Variants in CDK7 observed in about 807,000 individuals in gnomAD.
The protein encoded by CDK7 is cyclin-dependent kinase 7.
A neutral mutation model predicts 49.1 loss-of-function variants in CDK7; 25 were observed. The ratio of observed to expected loss-of-function variants is 0.51; its 90% CI spans 0.37 to 0.71. The LOEUF is 0.71. Among genes scored for constraint, CDK7 ranks in the 30% least tolerant of loss-of-function variants. The pLI is 0.00. For missense variants in CDK7, 316 were observed against 411.7 expected (o/e 0.77, Z 2.01); for synonymous variants, 107 against 140.0 (o/e 0.76, Z 1.67).
intron 3 of CDK7, among the ~76,000 whole-genome samples, chr5:69,253,628 C>G (rs1197090862): frequency 6.6e-6 from 1 of 152,142 alleles, no homozygotes; most frequent in Non-Finnish European, 1.5e-5. Context: ...CACTAGTTTG[C>G]TTTTAGCACA....
intron 10 of CDK7, among the ~76,000 whole-genome samples, chr5:69,275,192 AAG>A (rs1354967457): frequency 6.6e-6 from 1 of 152,200 alleles, no homozygotes; most frequent in African/African-American, 2.4e-5. Context: ...GGGGGAAAAA[AAG>A]AGAAAATGTA....
At chr5:69,238,658 A>AT (rs1241595271) in intron 2 of CDK7, among the ~76,000 whole-genome samples, 7 of 133,964 alleles carry the variant, frequency 5.2e-5, no homozygotes, top group African/African-American at 1.2e-4. Flanking sequence ...TTTTTTTTTT[A>AT]TTTTATTTTT....
At chr5:69,256,006 G>C (rs1441158358) in intron 5 of CDK7, 1 of 160,234 alleles carries the variant, frequency 6.2e-6, no homozygotes, top group African/African-American at 2.4e-5. Flanking sequence ...TTTAAGTAGA[G>C]ACGGGGTGTC....
At chr5:69,241,760 G>A (rs943126613) in intron 2 of CDK7, among the ~76,000 whole-genome samples, 2 of 152,080 alleles carry the variant, frequency 1.3e-5, no homozygotes, top group African/African-American at 2.4e-5. Context: ...TGGATTATTA[G>A]ATTTTTTTCA....
intron 9 of CDK7, among the ~76,000 whole-genome samples, chr5:69,270,093 C>T (rs1409552969): frequency 1.5e-5 from 2 of 129,656 alleles, no homozygotes; most frequent in Admixed American, 8.1e-5. Context: ...AATTAAACTT[C>T]TTATTTTGAG....
chr5:69,263,814 A>G (rs907254663), intron 8 of CDK7, among the ~76,000 whole-genome samples: 4 of 152,256 alleles, frequency 2.6e-5, no homozygotes, highest in African/African-American at 9.6e-5. Context: ...CCATTGAGAA[A>G]GCAAATGAAG....
chr5:69,257,332 TAAA>T (rs569774002), intron 5 of CDK7, among the ~76,000 whole-genome samples: 4 of 152,050 alleles, frequency 2.6e-5, no homozygotes. Flanking sequence ...AATCTGATTT[TAAA>T]AAAAGAAAAG....
At chr5:69,276,513 CCTTA>C in intron 10 of CDK7, 26 bp from the exon 11 acceptor site, 1 of 1,606,240 alleles carries the variant, frequency 6.2e-7, no homozygotes, top group Non-Finnish European at 8.5e-7. Context: ...TACTCACCTA[CCTTA>C]CTTTTGGTAT....
intron 5 of CDK7, chr5:69,256,060 T>G (rs1750469333): frequency 6.5e-6 from 1 of 154,458 alleles, no homozygotes; most frequent in African/African-American, 2.4e-5. Flanking sequence ...CCTCAAGTGA[T>G]CTGCCTGCCT....
intron 6 of CDK7, among the ~76,000 whole-genome samples, chr5:69,259,467 A>G (rs1294842556): frequency 6.6e-6 from 1 of 152,188 alleles, no homozygotes; most frequent in Non-Finnish European, 1.5e-5. Flanking sequence ...TTAACAACGT[A>G]TATTATGAAA....
At chr5:69,246,905 T>A (rs1749793179) in intron 2 of CDK7, among the ~76,000 whole-genome samples, 1 of 152,238 alleles carries the variant, frequency 6.6e-6, no homozygotes, top group Non-Finnish European at 1.5e-5. Flanking sequence ...TTACATAGTT[T>A]CCAAAATTCC....
chr5:69,248,834 G>C (rs1257502320), intron 2 of CDK7, among the ~76,000 whole-genome samples: 2 of 20,270 alleles, frequency 9.9e-5, no homozygotes, highest in African/African-American at 1.9e-4. Context: ...ACGGAGTCTT[G>C]TTTTTCTTGC....
rs4053029 is a variant in CDK7, at chr5:69,236,954, C to CTTTTTT, written c.126+1521_126+1526dup. ...GGTGTGAGCCACTGTGCCTGGCCTT[C>CTTTTTT]TTTTTTTTTTTTTTTTTTTTTTTTT... On this transcript the variant is annotated intron_variant, in intron 2 of 11. Transcript: ENST00000256443. 8.3e-5 allele frequency among the ~76,000 whole-genome samples: 7 copies of CTTTTTT among 84,266 alleles called. No homozygotes were observed. In the East Asian group the frequency reaches 1.9e-3, roughly 23 times the overall value. 55.3% of individuals were successfully genotyped at this position (84,266 alleles called of 152,430 possible).
intron 2 of CDK7, 123 bp from the exon 3 acceptor site, chr5:69,252,295 A>T (rs746326067): frequency 1.0e-4 from 70 of 684,112 alleles, no homozygotes; most frequent in Middle Eastern, 9.1e-4. Context: ...TAGTAGGTAC[A>T]TATTGGTTGC....
intron 11 of CDK7, 60 bp from the exon 12 acceptor site, chr5:69,277,047 G>T (rs911953518): frequency 7.0e-7 from 1 of 1,424,074 alleles, no homozygotes; most frequent in Admixed American, 2.1e-5. Context: ...ATTGCTATGA[G>T]AATGTGAACT....
intron 8 of CDK7, among the ~76,000 whole-genome samples, chr5:69,264,680 C>T (rs1164763854): frequency 6.6e-6 from 1 of 152,068 alleles, no homozygotes; most frequent in African/African-American, 2.4e-5. Context: ...ATGAAGAGTA[C>T]AATTATGAGG....
intron 2 of CDK7, among the ~76,000 whole-genome samples, chr5:69,241,307 G>GTTTTTT (rs1749355577): frequency 8.9e-6 from 1 of 112,944 alleles, no homozygotes; most frequent in African/African-American, 3.3e-5. Flanking sequence ...CTCATTGTAG[G>GTTTTTT]TTTTTTCTTT....
chr5:69,252,420 CAA>C lies in CDK7; in HGVS notation c.131_132del (p.Lys44ThrfsTer4). Reference sequence around the variant, plus strand: ...GGGTTTTTTTCCGTTTCTACCAGATCAAACTTGGACATAGATCAGAAGCTAAA... The same window carrying C: ...GGGTTTTTTTCCGTTTCTACCAGATCACTTGGACATAGATCAGAAGCTAAA... ...TNQIVAIKKI[K>X]LGHRSEAKDG... On this transcript the variant is annotated frameshift_variant, in exon 3 of 12. Transcript: ENST00000256443. LOFTEE classifies it high-confidence loss of function. The C allele has an allele frequency of 6.6e-7, 1 of 1,509,080 alleles. No individual in the cohort carries two copies. Among genetic ancestry groups the C allele is most frequent in the Non-Finnish European group, 9.0e-7 (1 of 1,117,252 alleles). The allele number at this position is 1,509,080 out of a possible 1,614,324, so 93.5% of individuals were successfully genotyped here.
At chr5:69,266,855 C>G (rs1450674075) in intron 8 of CDK7, among the ~76,000 whole-genome samples, 1 of 152,106 alleles carries the variant, frequency 6.6e-6, no homozygotes, top group African/African-American at 2.4e-5. Context: ...AAATCATTAC[C>G]TTTAGGAAAA....
Sources: gnomAD v4.1 joint callset for allele counts (sites outside exome capture counted in the v4.1 genomes callset) on GRCh38, gnomAD v4.1.1 for gene constraint, MANE v1.5 for transcripts, NCBI Gene and HGNC (gene_info 2026-07-23, HGNC 2026-07-21) for gene names.